The following UGT1A1 variants were observed in gnomAD, a reference collection of about 807,000 sequenced individuals.
UGT1A1 encodes UDP glucuronosyltransferase family 1 member A1, also known as UDP-glucuronosyltransferase 1A1.
UGT1A1 carries 33 observed loss-of-function variants against 40.6 expected under a neutral mutation model. The ratio of observed to expected loss-of-function variants is 0.81; its 90% CI spans 0.62 to 1.09. The LOEUF (loss-of-function observed/expected upper bound fraction) is 1.09. Among genes scored for constraint, UGT1A1 ranks in the 50% least tolerant of loss-of-function variants. The pLI, the probability that UGT1A1 is intolerant of heterozygous loss-of-function variation, is 0.00. For missense variants in UGT1A1, 694 were observed against 671.2 expected, an observed-to-expected ratio of 1.03 and a Z score of -0.38; for synonymous variants, 249 against 265.0, an observed-to-expected ratio of 0.94 and a Z score of 0.59.
At chr2:233,768,733 C>T (rs748503352) in intron 4 of UGT1A1, among the ~76,000 whole-genome samples, 3 of 151,708 alleles carry the variant, frequency 2.0e-5, no homozygotes, top group Admixed American at 6.6e-5. Context: ...CAGGTGTCCA[C>T]CACCACGCCC....
chr2:233,771,547 G>A (rs1443760906), intron 4 of UGT1A1: 1 of 152,190 alleles, frequency 6.6e-6, no homozygotes, highest in Non-Finnish European at 1.5e-5. Context: ...ACTTACAAAT[G>A]GCTGTTAATT....
At chr2:233,763,733 T>C (rs528064995) in intron 1 of UGT1A1, among the ~76,000 whole-genome samples, 4 of 152,330 alleles carry the variant, frequency 2.6e-5, no homozygotes, top group South Asian at 4.1e-4. Flanking sequence ...CAACCTGGCA[T>C]TGGCGTGTCT....
At chr2:233,770,978 T>C (rs1192605361) in intron 4 of UGT1A1, 1 of 152,076 alleles carries the variant, frequency 6.6e-6, no homozygotes, top group Non-Finnish European at 1.5e-5. Flanking sequence ...CAGAAGGCAA[T>C]GCGGGAGCTT....
chr2:233,763,843 G>A (rs1698410988), intron 1 of UGT1A1, among the ~76,000 whole-genome samples: 1 of 152,204 alleles, frequency 6.6e-6, no homozygotes, highest in Non-Finnish European at 1.5e-5. Context: ...GGGTAAGATA[G>A]CAGTGGTTCA....
chr2:233,765,069 C>A (rs1391556696), intron 1 of UGT1A1, among the ~76,000 whole-genome samples: 2 of 152,082 alleles, frequency 1.3e-5, no homozygotes, highest in Non-Finnish European at 2.9e-5. Context: ...CAGAGGTCTC[C>A]TGTGTCTCAC....
At chr2:233,768,734 C>T (rs1487456172) in intron 4 of UGT1A1, among the ~76,000 whole-genome samples, 1 of 151,720 alleles carries the variant, frequency 6.6e-6, no homozygotes, top group Non-Finnish European at 1.5e-5. Context: ...AGGTGTCCAC[C>T]ACCACGCCCG....
rs1375960685 is a variant in UGT1A1 at position 233,768,542 on chromosome 2, T to C, written c.1304+103T>C. On this transcript the variant is annotated intron_variant, in intron 4 of 4. Coordinates refer to ENST00000305208, the MANE Select transcript of UGT1A1 (RefSeq NM_000463.3). ...TAGCATTTAATAGCGTTGTTTCAAA[T>C]ATAAAAACAAATACATAAAAATCTG... 2.1e-6 allele frequency: 3 copies of C among 1,457,940 alleles called. No individual in the cohort carries two copies. In the African/African-American group the frequency reaches 4.3e-5, roughly 21 times the overall value. The allele number at this position is 1,457,940 out of a possible 1,614,324, so 90.3% of individuals were successfully genotyped here.
chr2:233,760,589 A>T lies in UGT1A1; in HGVS notation c.302A>T (p.Glu101Val). The change falls in exon 1 of 5, where the codon GAG (glutamate) becomes GTG (valine). Residue 101 changes from glutamate to valine, a missense_variant. Coordinates refer to ENST00000305208, the MANE Select transcript of UGT1A1 (RefSeq NM_000463.3). ...GTTAGTCTCGGGCATAATGTTTTTGAGAATGATTCTTTCCTGCAGCGTGTG... is the reference window on the plus strand; with the variant it reads ...GTTAGTCTCGGGCATAATGTTTTTGTGAATGATTCTTTCCTGCAGCGTGTG... Reference protein sequence around the residue: ...SFVSLGHNVFENDSFLQRVIK... With the variant: ...SFVSLGHNVFVNDSFLQRVIK... 1 of 1,614,196 alleles carries T rather than the reference A, an allele frequency of 6.2e-7. No individual in the cohort carries two copies. The highest frequency in any genetic ancestry group is 1.1e-5 in the South Asian group (1 of 91,078).
intron 1 of UGT1A1, among the ~76,000 whole-genome samples, chr2:233,766,795 T>C (rs1485406690): frequency 1.3e-5 from 2 of 152,194 alleles, no homozygotes; most frequent in African/African-American, 4.8e-5. Flanking sequence ...AACTAGCACA[T>C]TACCTGGATT....
At chr2:233,770,192 A>G (rs1288564889) in intron 4 of UGT1A1, 1 of 152,232 alleles carries the variant, frequency 6.6e-6, no homozygotes, top group African/African-American at 2.4e-5. Context: ...ACTAACTTTC[A>G]TCTATTCATT....
chr2:233,772,820 C>T lies in UGT1A1; in HGVS notation c.*261C>T. The T allele has an allele frequency of 1.0e-6, 1 of 980,900 alleles. No individual in the cohort carries two copies. The highest frequency in any genetic ancestry group is 3.1e-5 in the Admixed American group (1 of 31,764). 60.8% of individuals were successfully genotyped at this position (980,900 alleles called of 1,614,324 possible). A position where few individuals can be genotyped will look rare whatever the true frequency, so the allele number is the denominator to read the frequency against. On this transcript the variant is annotated 3_prime_UTR_variant, in exon 5 of 5. Coordinates refer to ENST00000305208, the MANE Select transcript of UGT1A1 (RefSeq NM_000463.3). ...TGCCATTTTTCAGAGGACGTGCAGA[C>T]AGGCTGGCATTCTAGATTACTTTTC...
At chr2:233,770,741 G>A (rs1433852574) in intron 4 of UGT1A1, 1 of 151,846 alleles carries the variant, frequency 6.6e-6, no homozygotes, top group Non-Finnish European at 1.5e-5. Flanking sequence ...CATGATTCAT[G>A]GCCAAGTACT....
chr2:233,762,430 C>CCATAAA, intron 1 of UGT1A1, among the ~76,000 whole-genome samples: 1 of 152,296 alleles, frequency 6.6e-6, no homozygotes, highest in African/African-American at 2.4e-5. Context: ...AATAGAGTAA[C>CCATAAA]AGTGTATTCC....
At position 233,760,995 on chromosome 2, in the gene UGT1A1, A is replaced by G. The variant is rs777512835; in HGVS notation, c.708A>G (p.Glu236=). The G allele has an allele frequency of 1.2e-6, 2 of 1,614,138 alleles. No individual in the cohort carries two copies. The highest frequency in any genetic ancestry group is 1.7e-6 in the Non-Finnish European group (2 of 1,180,024). The stretch of plus-strand genomic sequence containing the variant: ...CCCCGTATGCAACCCTTGCCTCAGA[A>G]TTCCTTCAGAGAGAGGTGACTGTCC... ...VYSPYATLAS[E]FLQREVTVQD... The change falls in exon 1 of 5, where the codon GAA becomes GAG. Residue 236 remains glutamate (E), a synonymous_variant. Transcript: ENST00000305208.
intron 1 of UGT1A1, among the ~76,000 whole-genome samples, chr2:233,766,364 G>C (rs1381103193): frequency 6.6e-6 from 1 of 152,144 alleles, no homozygotes; most frequent in Non-Finnish European, 1.5e-5. Flanking sequence ...GTGCCTGTTG[G>C]TGAGTTCTTC....
intron 1 of UGT1A1, among the ~76,000 whole-genome samples, chr2:233,766,376 C>T (rs1699131127): frequency 6.6e-6 from 1 of 152,176 alleles, no homozygotes; most frequent in Admixed American, 6.5e-5. Context: ...GAGTTCTTCT[C>T]AATGTCCAGC....
At position 233,767,103 on chromosome 2, in the gene UGT1A1, T is replaced by G; in HGVS notation, c.934T>G (p.Ser312Ala). Reference sequence around the variant, plus strand: ...GGTTTTCTCTTTGGGATCAATGGTCTCAGAAATTCCAGAGAAGAAAGCTAT... The same window carrying G: ...GGTTTTCTCTTTGGGATCAATGGTCGCAGAAATTCCAGAGAAGAAAGCTAT... Reference protein sequence around the residue: ...IVVFSLGSMVSEIPEKKAMAI... With the variant: ...IVVFSLGSMVAEIPEKKAMAI... Residue 312 changes from serine to alanine, a missense_variant, in exon 2 of 5, where the codon TCA becomes GCA. Ser to Ala is a moderately conservative substitution (Grantham distance 99). Coordinates refer to ENST00000305208, the MANE Select transcript of UGT1A1 (RefSeq NM_000463.3). 6.2e-7 allele frequency: 1 copy of G among 1,614,148 alleles called. No individual in the cohort carries two copies. Among genetic ancestry groups the G allele is most frequent in the South Asian group, 1.1e-5 (1 of 91,074 alleles).
At position 233,772,381 on chromosome 2, in the gene UGT1A1, G is replaced by A. The variant is rs150687296; in HGVS notation, c.1424G>A (p.Arg475His). 6.8e-6 allele frequency: 11 copies of A among 1,614,106 alleles called. No individual in the cohort carries two copies. Among genetic ancestry groups the A allele is most frequent in the Middle Eastern group, 1.6e-4 (1 of 6,084 alleles). Residue 475 changes from arginine (R) to histidine (H), a missense_variant, in exon 5 of 5, where the codon CGC becomes CAC. Transcript: ENST00000305208. The stretch of plus-strand genomic sequence containing the variant: ...AGGCACAAGGGCGCGCCACACCTGC[G>A]CCCCGCAGCCCACGACCTCACCTGG... ...VMRHKGAPHL[R>H]PAAHDLTWYQ...
In UGT1A1 at chr2:233,767,949, G is replaced by A. The variant is rs569380768; in HGVS notation, c.1084+13G>A. 2 of 1,614,196 alleles carry A rather than the reference G, an allele frequency of 1.2e-6. No homozygotes were observed. Among genetic ancestry groups the A allele is most frequent in the East Asian group, 2.2e-5 (1 of 44,890 alleles). On this transcript the variant is annotated intron_variant, in intron 3 of 4. Coordinates refer to ENST00000305208, the MANE Select transcript of UGT1A1 (RefSeq NM_000463.3). ...AACGATCTGCTTGGTATGTTGGGCG[G>A]ATTGGATGTATAGGTCAAACCAGGG...
Sources: gnomAD v4.1 joint callset for allele counts (sites outside exome capture counted in the v4.1 genomes callset) on GRCh38, gnomAD v4.1.1 for gene constraint, MANE v1.5 for transcripts, NCBI Gene and HGNC (gene_info 2026-07-23, HGNC 2026-07-21) for gene names.